The following PTPRU variants were observed in gnomAD, a reference collection of about 807,000 sequenced individuals.
PTPRU encodes receptor-type tyrosine-protein phosphatase U.
A neutral mutation model predicts 166.3 loss-of-function variants in PTPRU; 69 were observed. The ratio of observed to expected loss-of-function variants is 0.41; its 90% CI spans 0.34 to 0.51. The LOEUF is 0.51. Among genes scored for constraint, PTPRU ranks in the 20% least tolerant of loss-of-function variants. The pLI is 0.09. For missense variants in PTPRU, 1,657 were observed against 2,013.7 expected (o/e 0.82, Z 3.39); for synonymous variants, 793 against 814.0 (o/e 0.97, Z 0.44).
chr1:29,307,046 C>T, intron 18 of PTPRU: 2 of 1,502,526 alleles, frequency 1.3e-6, no homozygotes, highest in Non-Finnish European at 1.8e-6. Flanking sequence ...CTGGCCACTC[C>T]TGTGCTCCGT....
At position 29,291,180 on chromosome 1, in the gene PTPRU, G is replaced by T. The variant is rs1557455608; in HGVS notation, c.2319-689G>T. 6.6e-6 allele frequency among the ~76,000 whole-genome samples: 1 copy of T among 152,188 alleles called. No individual in the cohort carries two copies. The highest frequency in any genetic ancestry group is 1.9e-4 in the East Asian group (1 of 5,192). On this transcript the variant is annotated intron_variant, in intron 14 of 29. Transcript: ENST00000373779. This position sits in a 1 kb window ranked among gnomAD's most constrained non-coding sequence, Gnocchi z 4.1. ...TCTTCCCTGCTGCTCTGAGCAGCAG[G>T]ACGGACTGGTGGGCAGTGGTGGGAA...
rs78050153 is a variant in PTPRU at position 29,272,975 on chromosome 1, G to A, written c.1145-2473G>A. On this transcript the variant is annotated intron_variant, in intron 7 of 29. Coordinates refer to ENST00000373779, the MANE Select transcript of PTPRU (RefSeq NM_133178.4). Reference sequence around the variant, plus strand: ...TTGTACTTAATCTTCTTAAGAGATTGTATAGCGGTGCTTTCTCACCTGTTC... The same window carrying A: ...TTGTACTTAATCTTCTTAAGAGATTATATAGCGGTGCTTTCTCACCTGTTC... Among the ~76,000 whole-genome samples, 602 of 149,544 alleles carry A rather than the reference G, an allele frequency of 4.0e-3. 2 individuals are homozygous for A. Among genetic ancestry groups the A allele is most frequent in the African/African-American group, 0.014 (564 of 40,930 alleles).
Position 29,284,816 on chromosome 1 carries a change from G to C in PTPRU, c.2265G>C (p.Gly755=). The part of the protein sequence containing the change: ...MGLILGICAG[G]LAVLILLLGA... ...TTATCCTGGGCATCTGTGCAGGGGG[G>C]CTTGCTGTCCTCATCCTTCTCCTGG... Residue 755 remains glycine, a synonymous_variant, in exon 14 of 30, where the codon GGG becomes GGC. Coordinates refer to ENST00000373779, the MANE Select transcript of PTPRU (RefSeq NM_133178.4). 6.2e-7 allele frequency: 1 copy of C among 1,613,696 alleles called. No individual in the cohort carries two copies. The highest frequency in any genetic ancestry group is 1.1e-5 in the South Asian group (1 of 91,040).
At position 29,291,821 on chromosome 1, in the gene PTPRU, GT is replaced by G; in HGVS notation, c.2319-47del. 2 of 1,600,654 alleles carry G rather than the reference GT, an allele frequency of 1.2e-6. No homozygotes were observed. The highest frequency in any genetic ancestry group is 2.2e-5 in the South Asian group (2 of 89,024). ...GCCTCCCCAGCCACCTCTGGGTGCT[GT>G]CCAGCCCCACACAATGCCTGTGTCT... On this transcript the variant is annotated intron_variant, in intron 14 of 29. Transcript: ENST00000373779. This position sits in a 1 kb window ranked among gnomAD's most constrained non-coding sequence, Gnocchi z 4.1.
intron 1 of PTPRU, among the ~76,000 whole-genome samples, chr1:29,239,426 T>C (rs1466952386): frequency 6.6e-6 from 1 of 152,200 alleles, no homozygotes; most frequent in African/African-American, 2.4e-5. Context: ...TAAAGGCTTG[T>C]CTGGGCATCC....
At chr1:29,292,636 CT>C (rs141753167) in intron 15 of PTPRU, among the ~76,000 whole-genome samples, 9,077 of 152,196 alleles carry the variant, frequency 0.06, 408 homozygotes, top group Non-Finnish European at 0.089. Context: ...TCTTTTTATT[CT>C]GTTTAGTGTT....
chr1:29,324,460 G>T (rs897422213), intron 28 of PTPRU, among the ~76,000 whole-genome samples: 1 of 152,228 alleles, frequency 6.6e-6, no homozygotes, highest in Admixed American at 6.5e-5. Context: ...GAAGGAGGGA[G>T]AGGCACGGAG....
chr1:29,252,566 C>T (rs765230511), intron 1 of PTPRU, among the ~76,000 whole-genome samples: 12 of 151,990 alleles, frequency 7.9e-5, no homozygotes, highest in Non-Finnish European at 1.3e-4. Flanking sequence ...CCGCGCCTGG[C>T]CTGGGTGTGT....
At chr1:29,322,293 G>A (rs1160431839) in intron 26 of PTPRU, among the ~76,000 whole-genome samples, 1 of 152,196 alleles carries the variant, frequency 6.6e-6, no homozygotes, top group East Asian at 1.9e-4. Flanking sequence ...GGAGACAGAG[G>A]GAGAAGAGAC....
In PTPRU at chr1:29,280,296, T is replaced by C. The variant is rs897415487; in HGVS notation, c.1868+155T>C. Among the ~76,000 whole-genome samples the C allele has an allele frequency of 1.3e-5, 2 of 152,182 alleles. No individual in the cohort carries two copies. The highest frequency in any genetic ancestry group is 2.9e-5 in the Non-Finnish European group (2 of 68,014). ...TCTGGAGGAGATTGTTCTGTGATGC[T>C]TGGCAGGCAAGAAGCCTGCAGTCCC... On this transcript the variant is annotated intron_variant, in intron 11 of 29. Coordinates refer to ENST00000373779, the MANE Select transcript of PTPRU (RefSeq NM_133178.4). This position sits in a 1 kb window ranked among gnomAD's most constrained non-coding sequence, Gnocchi z 4.2.
intron 1 of PTPRU, among the ~76,000 whole-genome samples, chr1:29,252,299 A>T (rs1326016908): frequency 2.2e-5 from 3 of 139,250 alleles, no homozygotes; most frequent in Non-Finnish European, 3.1e-5. Flanking sequence ...ACAGAGTCAC[A>T]CTCTGTCACC....
At position 29,325,537 on chromosome 1, in the gene PTPRU, C is replaced by T. The variant is rs527245418; in HGVS notation, c.4249-62C>T. ...TTGCCCTCTCACTCCCCGTTCCCCTCCCCCCACAATACTGGAGTTGGGGTC... is the reference window on the plus strand; with the variant it reads ...TTGCCCTCTCACTCCCCGTTCCCCTTCCCCCACAATACTGGAGTTGGGGTC... On this transcript the variant is annotated intron_variant, in intron 29 of 29. Transcript: ENST00000373779. The T allele has an allele frequency of 1.7e-5, 26 of 1,544,030 alleles. No individual in the cohort carries two copies. The East Asian group carries it at 4.7e-4, about 28-fold the overall frequency.
In PTPRU at chr1:29,274,638, C is replaced by G. The variant is rs187288776; in HGVS notation, c.1145-810C>G. 2.6e-5 allele frequency among the ~76,000 whole-genome samples: 4 copies of G among 152,278 alleles called. No homozygotes were observed. In the East Asian group the frequency reaches 7.7e-4, roughly 29 times the overall value. On this transcript the variant is annotated intron_variant, in intron 7 of 29. Coordinates refer to ENST00000373779, the MANE Select transcript of PTPRU (RefSeq NM_133178.4). ...TTATTATATTATATGTATTACTATA[C>G]ATTGTTTCAGAACAAGTTTGGAATT...
In PTPRU at chr1:29,315,406, C is replaced by T; in HGVS notation, c.3262C>T (p.Leu1088=). ...CGGCCGCACAGGTTGCTATATCGTC[C>T]TGGATGTGATGCTGGACATGGCAGA... ...GTGRTGCYIV[L]DVMLDMAECE... is the part of the protein sequence containing the mutation. Residue 1088 remains leucine (L), a synonymous_variant, in exon 23 of 30, where the codon CTG becomes TTG. Transcript: ENST00000373779. This position sits in a 1 kb window ranked among gnomAD's most constrained non-coding sequence, Gnocchi z 4.5. 1 of 1,614,232 alleles carries T rather than the reference C, an allele frequency of 6.2e-7. No homozygotes were observed. The highest frequency in any genetic ancestry group is 8.5e-7 in the Non-Finnish European group (1 of 1,180,046).
At chr1:29,287,077 A>T (rs927567589) in intron 14 of PTPRU, among the ~76,000 whole-genome samples, 1 of 152,028 alleles carries the variant, frequency 6.6e-6, no homozygotes, top group East Asian at 1.9e-4. Flanking sequence ...AACTAACAAG[A>T]GTAGGAAGTT....
intron 2 of PTPRU, 28 bp downstream of exon 2, chr1:29,255,434 C>G: frequency 6.2e-7 from 1 of 1,609,368 alleles, no homozygotes; most frequent in Non-Finnish European, 8.5e-7. Context: ...CGCCATTACC[C>G]CTTCTTCTCC....
intron 1 of PTPRU, among the ~76,000 whole-genome samples, chr1:29,239,869 C>T (rs959636141): frequency 1.3e-5 from 2 of 152,160 alleles, no homozygotes; most frequent in Admixed American, 6.5e-5. Context: ...TTGTAAAGTA[C>T]ATTTTAACTC....
chr1:29,305,628 G>A (rs1687357019), intron 18 of PTPRU, 200 bp downstream of exon 18: 1 of 758,026 alleles, frequency 1.3e-6, no homozygotes. Context: ...TTCTGTAGGT[G>A]GGAGTTGGCC....
At chr1:29,318,114 C>G (rs1489253439) in intron 25 of PTPRU, among the ~76,000 whole-genome samples, 193 bp downstream of exon 25, 1 of 152,242 alleles carries the variant, frequency 6.6e-6, no homozygotes, top group South Asian at 2.1e-4. Context: ...GCCCCCCACA[C>G]TCTGCCTCAG....
Sources: gnomAD v4.1 joint callset for allele counts (sites outside exome capture counted in the v4.1 genomes callset) on GRCh38, gnomAD v4.1.1 for gene constraint, Gnocchi (gnomAD v3.1) non-coding constraint, MANE v1.5 for transcripts, NCBI Gene and HGNC (gene_info 2026-07-23, HGNC 2026-07-21) for gene names.